The following NALCN variants were observed in gnomAD, a reference collection of about 807,000 sequenced individuals.
The protein encoded by NALCN is sodium leak channel, non-selective.
In NALCN, 111 loss-of-function variants were observed where a neutral mutation model predicts 225.3. The ratio of observed to expected loss-of-function variants is 0.49; its 90% CI spans 0.42 to 0.58. The LOEUF is 0.58. Ranked by LOEUF, NALCN falls within the 20% of genes least tolerant of loss-of-function variation. The pLI is 0.00. For missense variants in NALCN, 1,378 were observed against 2,202.4 expected (o/e 0.63, Z 7.49); for synonymous variants, 764 against 769.0 (o/e 0.99, Z 0.11).
chr13:101,304,943 A>T (rs903322402), intron 7 of NALCN, among the ~76,000 whole-genome samples: 8 of 150,900 alleles, frequency 5.3e-5, no homozygotes, highest in Admixed American at 4.6e-4. Context: ...TTTAGTAGAG[A>T]TGGGGGTTTC....
chr13:101,243,329 C>A lies in NALCN; in HGVS notation c.1267-5407G>T, dbSNP rs1221417585. ...GCCCTTTTTTAACTCATTTTTTGGA[C>A]ATTTTTAGTTGAAGTTACAGAAATT... On this transcript the variant is annotated intron_variant, in intron 11 of 43. Transcript: ENST00000251127. Among the ~76,000 whole-genome samples the A allele has an allele frequency of 1.9e-5, 2 of 103,666 alleles. 1 individual carries two copies. Among genetic ancestry groups the A allele is most frequent in the Non-Finnish European group, 4.3e-5 (2 of 46,842 alleles). The allele number at this position is 103,666 out of a possible 152,430, so 68.0% of individuals were successfully genotyped here. A position where few individuals can be genotyped will look rare whatever the true frequency, so the allele number is the denominator to read the frequency against.
At chr13:101,350,687 G>C (rs2045883158) in intron 6 of NALCN, among the ~76,000 whole-genome samples, 1 of 152,142 alleles carries the variant, frequency 6.6e-6, no homozygotes, top group South Asian at 2.1e-4. Flanking sequence ...CACCAGTCTA[G>C]ATGTTGCTGT....
In NALCN at chr13:101,057,941, G is replaced by A; in HGVS notation, c.5021C>T (p.Ser1674Leu). The change falls in exon 43 of 44, where the codon TCA (serine) becomes TTA (leucine). Residue 1674 changes from serine (S) to leucine (L), a missense_variant and splice_region_variant. By Grantham distance (145) the Ser-to-Leu change is moderately radical. Transcript: ENST00000251127. Reference protein sequence around the residue: ...QRKFGQWRLPSAPKPISHSVS... With the variant: ...QRKFGQWRLPLAPKPISHSVS... ...GAGAAATGCCTGGATGGACCTACCT[G>A]AGGGCAGACGCCACTGCCCAAATTT... The A allele has an allele frequency of 1.2e-6, 2 of 1,609,142 alleles. No homozygotes were observed. Among genetic ancestry groups the A allele is most frequent in the Non-Finnish European group, 1.7e-6 (2 of 1,175,662 alleles).
intron 17 of NALCN, among the ~76,000 whole-genome samples, chr13:101,140,172 C>T (rs1375869221): frequency 6.6e-6 from 1 of 152,188 alleles, no homozygotes; most frequent in African/African-American, 2.4e-5. Flanking sequence ...TGACATTCCA[C>T]TTTCCAAGTG....
chr13:101,160,186 C>T (rs912825557), intron 15 of NALCN, among the ~76,000 whole-genome samples: 8 of 152,210 alleles, frequency 5.3e-5, no homozygotes, highest in African/African-American at 1.4e-4. Context: ...GATCTCCTGA[C>T]CTTGTGATCT....
chr13:101,312,781 C>A (rs2044396571), intron 7 of NALCN, among the ~76,000 whole-genome samples: 1 of 152,048 alleles, frequency 6.6e-6, no homozygotes, highest in Admixed American at 6.6e-5. Context: ...TTACTTCCAA[C>A]TATGTGGTCA....
intron 14 of NALCN, chr13:101,180,771 C>T (rs2039176642): frequency 6.7e-6 from 2 of 298,438 alleles, no homozygotes; most frequent in African/African-American, 4.3e-5. Context: ...CAAAACACAC[C>T]TGTGTGGGTA....
intron 42 of NALCN, 117 bp from the exon 43 acceptor site, chr13:101,058,173 A>AGAG (rs1490346507): frequency 1.2e-6 from 1 of 824,358 alleles, no homozygotes; most frequent in African/African-American, 1.7e-5. Context: ...ACATGGACTC[A>AGAG]GAGTGTCCAC....
At chr13:101,408,119 C>T (rs1393925380) in intron 1 of NALCN, among the ~76,000 whole-genome samples, 3 of 152,172 alleles carry the variant, frequency 2.0e-5, no homozygotes, top group African/African-American at 7.2e-5. Flanking sequence ...CCCAGGAATA[C>T]TTTGCTGTCC....
chr13:101,069,620 G>T (rs1195975722), intron 37 of NALCN, among the ~76,000 whole-genome samples: 8 of 152,192 alleles, frequency 5.3e-5, no homozygotes, highest in Non-Finnish European at 7.3e-5. Context: ...TTTCATGAAA[G>T]ATTTTTCTGC....
At chr13:101,132,438 A>T (rs1473923147) in intron 17 of NALCN, among the ~76,000 whole-genome samples, 1 of 152,116 alleles carries the variant, frequency 6.6e-6, no homozygotes, top group Non-Finnish European at 1.5e-5. Flanking sequence ...TGTGTTCTTG[A>T]ATTAGAATGT....
chr13:101,410,597 C>T (rs1258933762), intron 1 of NALCN, among the ~76,000 whole-genome samples: 3 of 152,072 alleles, frequency 2.0e-5, no homozygotes, highest in Non-Finnish European at 2.9e-5. Context: ...GTTGGGGTTT[C>T]TGTTATGATT....
At chr13:101,349,980 T>C (rs951310084) in intron 6 of NALCN, among the ~76,000 whole-genome samples, 2 of 152,122 alleles carry the variant, frequency 1.3e-5, no homozygotes, top group African/African-American at 4.8e-5. Context: ...TACCTACTTC[T>C]CCCTCAACCC....
At position 101,376,759 on chromosome 13, in the gene NALCN, T is replaced by C. The variant is rs777393054; in HGVS notation, c.585A>G (p.Leu195=). The change falls in exon 6 of 44, where the codon TTA becomes TTG. Residue 195 remains leucine (L), a synonymous_variant. Transcript: ENST00000251127. ...LLFFLLLYGI[L]GVQMFGTFTY... ...TAAATGTTCCAAACATCTGAACTCC[T>C]AAAATTCCATAAAGAAGTAGAAAGA... 1.2e-6 allele frequency: 2 copies of C among 1,613,572 alleles called. No homozygotes were observed. The highest frequency in any genetic ancestry group is 1.7e-6 in the Non-Finnish European group (2 of 1,179,856).
chr13:101,261,424 C>T (rs568747708), intron 10 of NALCN, among the ~76,000 whole-genome samples: 1 of 152,282 alleles, frequency 6.6e-6, no homozygotes, highest in African/African-American at 2.4e-5. Flanking sequence ...TCAATTGCAT[C>T]TGTAGACTGC....
At chr13:101,241,859 T>C (rs2140167808) in intron 11 of NALCN, among the ~76,000 whole-genome samples, 1 of 38,096 alleles carries the variant, frequency 2.6e-5, no homozygotes, top group East Asian at 4.8e-4. Context: ...CTTCTGCCTC[T>C]TCACTTTGCA....
At chr13:101,216,305 C>T (rs577520723) in intron 13 of NALCN, among the ~76,000 whole-genome samples, 1 of 152,054 alleles carries the variant, frequency 6.6e-6, no homozygotes, top group East Asian at 1.9e-4. Context: ...GTTTAAATTA[C>T]ACAAAAGATA....
intron 7 of NALCN, among the ~76,000 whole-genome samples, chr13:101,294,543 G>C (rs1366364753): frequency 6.7e-6 from 1 of 148,810 alleles, no homozygotes; most frequent in African/African-American, 2.5e-5. Context: ...GGATTATAAT[G>C]GCTAAGTTTA....
rs541309168 is a variant in NALCN, at chr13:101,101,656, C to T, written c.3058-768G>A. 9.2e-5 allele frequency among the ~76,000 whole-genome samples: 14 copies of T among 152,174 alleles called. No homozygotes were observed. The East Asian group carries it at 1.7e-3, about 19-fold the overall frequency. On this transcript the variant is annotated intron_variant, in intron 26 of 43. Transcript: ENST00000251127. ...GCTGTCTTGTAACTGTGAAGGTGTGCGTTAGGAGAATGTTCTATGCATAGA... is the reference window on the plus strand; with the variant it reads ...GCTGTCTTGTAACTGTGAAGGTGTGTGTTAGGAGAATGTTCTATGCATAGA...
Sources: gnomAD v4.1 joint callset for allele counts (sites outside exome capture counted in the v4.1 genomes callset) on GRCh38, gnomAD v4.1.1 for gene constraint, MANE v1.5 for transcripts, NCBI Gene and HGNC (gene_info 2026-07-23, HGNC 2026-07-21) for gene names.